Variants in CDK14 observed in about 807,000 individuals in gnomAD.
CDK14 encodes cyclin dependent kinase 14.
A neutral mutation model predicts 60.7 loss-of-function variants in CDK14; 34 were observed. The observed-to-expected ratio is 0.56, with a 90% CI of 0.43 to 0.75. The LOEUF is 0.75. Ranked by LOEUF, CDK14 falls within the 30% of genes least tolerant of loss-of-function variation. The probability of loss-of-function intolerance (pLI) is 0.00; values close to 1 mark genes in which losing one functional copy is unlikely to be tolerated. For synonymous variants in CDK14, 197 were observed against 203.7 expected, an observed-to-expected ratio of 0.97 and a Z score of 0.28; for missense variants, 482 against 564.1, an observed-to-expected ratio of 0.85 and a Z score of 1.47.
chr7:91,141,637 T>G (rs1021520340), intron 14 of CDK14, among the ~76,000 whole-genome samples: 2 of 151,578 alleles, frequency 1.3e-5, no homozygotes, highest in African/African-American at 4.8e-5. Flanking sequence ...AAGTTACAGG[T>G]GCATCTCGGC....
At chr7:91,184,316 C>T (rs1013614728) in intron 14 of CDK14, among the ~76,000 whole-genome samples, 1 of 148,330 alleles carries the variant, frequency 6.7e-6, no homozygotes, top group African/African-American at 2.5e-5. Flanking sequence ...GAAGCTTCCA[C>T]AGTCTTAAGG....
At chr7:91,029,330 G>C (rs1796689200) in intron 10 of CDK14, among the ~76,000 whole-genome samples, 1 of 151,984 alleles carries the variant, frequency 6.6e-6, no homozygotes, top group South Asian at 2.1e-4. Context: ...TGAATTGTAG[G>C]ATTATTTTTT....
At chr7:90,710,782 A>AGATAG (rs921433410) in intron 2 of CDK14, among the ~76,000 whole-genome samples, 1 of 152,042 alleles carries the variant, frequency 6.6e-6, no homozygotes, top group African/African-American at 2.4e-5. Flanking sequence ...TAAAATTGAG[A>AGATAG]GATAGGAATG....
In CDK14 at chr7:91,208,391, G is replaced by C. The variant is rs1802968678; in HGVS notation, c.*1255G>C. The C allele has an allele frequency of 6.5e-6, 1 of 152,692 alleles. No individual in the cohort carries two copies. The highest frequency in any genetic ancestry group is 1.5e-5 in the Non-Finnish European group (1 of 68,084). The allele number at this position is 152,692 out of a possible 1,614,324, so 9.5% of individuals were successfully genotyped here. ...CAGGCATGTCTTTTGCTTTGATCTG[G>C]AGGGAGGGCTGCCTGATGCAGGCCG... On this transcript the variant is annotated 3_prime_UTR_variant, in exon 15 of 15. Transcript: ENST00000380050.
At chr7:90,599,633 T>C (rs926062806) in intron 1 of CDK14, among the ~76,000 whole-genome samples, 67 of 152,224 alleles carry the variant, frequency 4.4e-4, no homozygotes, top group African/African-American at 1.6e-3. Context: ...ATCATCCTCC[T>C]TTCTTCATTG....
intron 14 of CDK14, among the ~76,000 whole-genome samples, chr7:91,200,167 G>A (rs1449660658): frequency 6.6e-6 from 1 of 152,122 alleles, no homozygotes; most frequent in East Asian, 1.9e-4. Context: ...AAATTAAGCT[G>A]TCCCAGATTT....
chr7:90,775,316 T>A (rs1040469878), intron 4 of CDK14, among the ~76,000 whole-genome samples: 1 of 152,194 alleles, frequency 6.6e-6, no homozygotes, highest in African/African-American at 2.4e-5. Context: ...TGACTTTGAT[T>A]TTTAGATACA....
intron 12 of CDK14, among the ~76,000 whole-genome samples, chr7:91,081,225 T>C (rs895962115): frequency 6.6e-6 from 1 of 152,202 alleles, no homozygotes; most frequent in Non-Finnish European, 1.5e-5. Flanking sequence ...AATTATATTA[T>C]TGATTCTTCC....
At chr7:91,118,350 G>A (rs980594356) in intron 14 of CDK14, 142 bp downstream of exon 14, 1 of 486,880 alleles carries the variant, frequency 2.1e-6, no homozygotes, top group Non-Finnish European at 3.7e-6. Context: ...GACCTATTGA[G>A]ATAGAATGCA....
At chr7:90,977,203 G>A (rs1465985082) in intron 9 of CDK14, among the ~76,000 whole-genome samples, 1 of 152,062 alleles carries the variant, frequency 6.6e-6, no homozygotes, top group Non-Finnish European at 1.5e-5. Flanking sequence ...ATTTTCCCTT[G>A]AGTGTTCTTG....
chr7:90,930,238 A>T (rs969253963), intron 8 of CDK14, among the ~76,000 whole-genome samples: 2 of 149,976 alleles, frequency 1.3e-5, no homozygotes, highest in African/African-American at 4.9e-5. Flanking sequence ...AATTGTCAGT[A>T]AAAAAAAATG....
intron 10 of CDK14, among the ~76,000 whole-genome samples, chr7:91,033,765 T>G (rs955129437): frequency 6.6e-6 from 1 of 152,224 alleles, no homozygotes; most frequent in Non-Finnish European, 1.5e-5. Flanking sequence ...CTTGGGCTGC[T>G]GCACGTGCAC....
chr7:91,021,589 C>G (rs1268453520), intron 10 of CDK14, among the ~76,000 whole-genome samples: 1 of 152,122 alleles, frequency 6.6e-6, no homozygotes, highest in Non-Finnish European at 1.5e-5. Flanking sequence ...ATAGAAAAAG[C>G]ATAATATAGA....
chr7:91,085,525 A>G (rs745817687), intron 12 of CDK14, among the ~76,000 whole-genome samples: 5 of 152,180 alleles, frequency 3.3e-5, no homozygotes, highest in Non-Finnish European at 7.3e-5. Context: ...CTCTCTGTAC[A>G]GTCCCTTTTG....
chr7:90,673,855 C>G (rs903894196), intron 2 of CDK14, among the ~76,000 whole-genome samples: 1 of 152,050 alleles, frequency 6.6e-6, no homozygotes, highest in Non-Finnish European at 1.5e-5. Context: ...TTTAAGTATT[C>G]TCACCTCCAC....
rs1290119150 is a variant in CDK14 at position 90,955,631 on chromosome 7, TC to T, written c.827-65del. 5 of 1,589,294 alleles carry T rather than the reference TC, an allele frequency of 3.1e-6. No homozygotes were observed. In the African/African-American group the frequency reaches 6.7e-5, roughly 21 times the overall value. On this transcript the variant is annotated intron_variant, in intron 8 of 14. Coordinates refer to ENST00000380050, the MANE Select transcript of CDK14 (RefSeq NM_001287135.2). ...GTTTGACCTTTAAGAATGTGAACGT[TC>T]AAATTTAAATTCCCTTGTTTTGCTA... is the stretch of plus-strand genomic sequence containing the variant.
intron 5 of CDK14, among the ~76,000 whole-genome samples, chr7:90,835,216 TG>T (rs1425270056): frequency 6.6e-6 from 1 of 151,848 alleles, no homozygotes; most frequent in Admixed American, 6.6e-5. Context: ...ATGGATAAAG[TG>T]GGAGGTGATA....
chr7:90,849,223 C>G (rs909661814), intron 5 of CDK14, among the ~76,000 whole-genome samples: 1 of 150,362 alleles, frequency 6.7e-6, no homozygotes, highest in African/African-American at 2.5e-5. Context: ...CCCAAATCCT[C>G]TTGCTTCCCG....
intron 6 of CDK14, among the ~76,000 whole-genome samples, chr7:90,877,646 C>T (rs1381215651): frequency 6.6e-6 from 1 of 151,942 alleles, no homozygotes; most frequent in Non-Finnish European, 1.5e-5. Context: ...TAGAACCAGT[C>T]AGGAAAGAAA....
Sources: allele counts gnomAD v4.1 joint callset (sites outside exome capture counted in the v4.1 genomes callset), GRCh38; gene constraint gnomAD v4.1.1; transcripts MANE v1.5; gene names NCBI Gene and HGNC (gene_info 2026-07-23, HGNC 2026-07-21).